Variants in TAAR5 observed in about 807,000 individuals in gnomAD.
TAAR5 encodes the protein trace amine associated receptor 5, also known as trace amine-associated receptor 5.
Under a neutral mutation model 21.1 loss-of-function variants are expected in TAAR5, and 27 were observed. That is an observed-to-expected ratio of 1.28 (90% CI 0.94 to 1.76). The LOEUF is 1.76. TAAR5 is among the 40% of genes most tolerant of loss of function. The pLI is 0.00. For missense variants in TAAR5, 495 were observed against 405.6 expected (o/e 1.22, Z -1.89); for synonymous variants, 203 against 167.5 (o/e 1.21, Z -1.64).
At chr6:132,591,974 G>A (rs7742176), upstream of TAAR5, among the ~76,000 whole-genome samples, 5,565 of 152,254 alleles carry the variant, frequency 0.037, 245 homozygotes, top group African/African-American at 0.1. Flanking sequence ...GGGCAGACAA[G>A]AGTTCGAGTG....
chr6:132,590,074 C>T (rs191541584), upstream of TAAR5, among the ~76,000 whole-genome samples: 3 of 152,216 alleles, frequency 2.0e-5, no homozygotes, highest in South Asian at 2.1e-4. Flanking sequence ...ATGTCTCTTA[C>T]GTTTTGATAA....
At chr6:132,608,387 G>A in the TAAR5 span, 36 of 455,826 alleles carry the variant, frequency 7.9e-5, no homozygotes, top group Non-Finnish European at 1.2e-4. Flanking sequence ...TTGAAGTACC[G>A]GAGCCACACT....
the TAAR5 span, among the ~76,000 whole-genome samples, chr6:132,612,643 T>TA: frequency 6.6e-6 from 1 of 152,168 alleles, no homozygotes; most frequent in African/African-American, 2.4e-5. Context: ...GTGCTGCTGC[T>TA]AGTGGCATGA....
the TAAR5 span, among the ~76,000 whole-genome samples, chr6:132,597,866 A>G: frequency 6.6e-6 from 1 of 152,210 alleles, no homozygotes; most frequent in Non-Finnish European, 1.5e-5. Flanking sequence ...TGAAACATAA[A>G]CAAGAACTCT....
upstream of TAAR5, among the ~76,000 whole-genome samples, chr6:132,590,553 G>T (rs891835115): frequency 2.0e-5 from 3 of 152,216 alleles, no homozygotes; most frequent in Non-Finnish European, 4.4e-5. Flanking sequence ...GGTGGACACA[G>T]GGAATGTCAG....
chr6:132,614,628 T>C, the TAAR5 span, among the ~76,000 whole-genome samples: 1 of 152,196 alleles, frequency 6.6e-6, no homozygotes, highest in African/African-American at 2.4e-5. Flanking sequence ...TCTTGTGGCT[T>C]TGCAGGTGCG....
At chr6:132,602,779 C>CAAAAAAA in the TAAR5 span, among the ~76,000 whole-genome samples, 31 of 95,942 alleles carry the variant, frequency 3.2e-4, no homozygotes, top group African/African-American at 1.1e-3. Context: ...CTTTAGAAGT[C>CAAAAAAA]AAAAAAAAAA....
the TAAR5 span, among the ~76,000 whole-genome samples, chr6:132,601,335 G>A: frequency 6.6e-6 from 1 of 152,118 alleles, no homozygotes; most frequent in Non-Finnish European, 1.5e-5. Context: ...TTGGACAAAA[G>A]CCTTGCAAAG....
the TAAR5 span, among the ~76,000 whole-genome samples, chr6:132,614,599 T>C: frequency 6.6e-6 from 1 of 152,186 alleles, no homozygotes; most frequent in African/African-American, 2.4e-5. Context: ...AAAAGTTAGT[T>C]GTGAATCAAT....
the TAAR5 span, among the ~76,000 whole-genome samples, chr6:132,599,628 C>T: frequency 6.6e-6 from 1 of 152,018 alleles, no homozygotes; most frequent in East Asian, 1.9e-4. Flanking sequence ...CGCTCCCAGC[C>T]CAAAGCTTGC....
chr6:132,592,182 AT>A (rs1187068609), upstream of TAAR5, among the ~76,000 whole-genome samples: 2 of 152,212 alleles, frequency 1.3e-5, no homozygotes, highest in Admixed American at 1.3e-4. Context: ...ATAAAAGAAC[AT>A]TTTTATTTCT....
the TAAR5 span, among the ~76,000 whole-genome samples, chr6:132,612,486 T>G: frequency 1.3e-5 from 2 of 152,154 alleles, no homozygotes; most frequent in Non-Finnish European, 2.9e-5. Context: ...CAAAGTAGCA[T>G]TTAGACAGGA....
chr6:132,599,954 C>T, the TAAR5 span, among the ~76,000 whole-genome samples: 5 of 152,028 alleles, frequency 3.3e-5, no homozygotes, highest in Non-Finnish European at 7.4e-5. Flanking sequence ...CATTTGAAAA[C>T]TTAAAGAGCA....
the TAAR5 span, among the ~76,000 whole-genome samples, chr6:132,600,385 T>C: frequency 2.0e-5 from 3 of 152,282 alleles, no homozygotes; most frequent in East Asian, 5.8e-4. Context: ...GTTTCAATGG[T>C]ATTTGGCTAA....
chr6:132,604,552 C>T, the TAAR5 span, among the ~76,000 whole-genome samples: 1 of 151,990 alleles, frequency 6.6e-6, no homozygotes, highest in African/African-American at 2.4e-5. Flanking sequence ...GAATAGTCCC[C>T]CACATAGGGC....
chr6:132,594,905 C>T, the TAAR5 span: 1 of 152,308 alleles, frequency 6.6e-6, no homozygotes, highest in South Asian at 2.1e-4. Context: ...AACTCTTCTG[C>T]ACCAATTATG....
upstream of TAAR5, among the ~76,000 whole-genome samples, chr6:132,592,027 T>C (rs1426360457): frequency 1.3e-5 from 2 of 152,210 alleles, no homozygotes; most frequent in Admixed American, 6.5e-5. Context: ...AAGTTAGGGC[T>C]CTTATCCCTT....
chr6:132,600,975 GGGAAAGAAGGAA>G, the TAAR5 span, among the ~76,000 whole-genome samples: 3 of 76,054 alleles, frequency 3.9e-5, no homozygotes, highest in African/African-American at 1.2e-4. Context: ...GAGGGAAGGA[GGGAAAGAAGGAA>G]GGAAGGAGGG....
At chr6:132,600,605 A>T in the TAAR5 span, among the ~76,000 whole-genome samples, 1 of 152,154 alleles carries the variant, frequency 6.6e-6, no homozygotes, top group Admixed American at 6.6e-5. Flanking sequence ...AAAAGGAAAA[A>T]CAATTACATG....
Sources: allele counts gnomAD v4.1 joint callset (sites outside exome capture counted in the v4.1 genomes callset), GRCh38; gene constraint gnomAD v4.1.1; transcripts MANE v1.5; gene names NCBI Gene and HGNC (gene_info 2026-07-23, HGNC 2026-07-21).